USP36: variants seen among roughly 807,000 people sequenced by gnomAD.
USP36 encodes the protein ubiquitin carboxyl-terminal hydrolase 36.
In USP36, 59 loss-of-function variants were observed where a neutral mutation model predicts 111.5. That is an observed-to-expected ratio of 0.53 (90% CI 0.43 to 0.66). The LOEUF is 0.66. Among genes scored for constraint, USP36 ranks in the 30% least tolerant of loss-of-function variants. USP36 has a pLI of 0.00. For synonymous variants in USP36, 628 were observed against 581.0 expected, an observed-to-expected ratio of 1.08 and a Z score of -1.16; for missense variants, 1,488 against 1,468.0, an observed-to-expected ratio of 1.01 and a Z score of -0.22.
At chr17:78,836,515 C>CA in intron 2 of USP36, 143 bp from the exon 3 acceptor site, 1 of 1,109,168 alleles carries the variant, frequency 9.0e-7, no homozygotes, top group Non-Finnish European at 1.3e-6. Flanking sequence ...ATCAGCTGCA[C>CA]AAAGGAAACA....
At chr17:78,813,484 C>G (rs2094115751) in intron 12 of USP36, among the ~76,000 whole-genome samples, 1 of 152,174 alleles carries the variant, frequency 6.6e-6, no homozygotes, top group Non-Finnish European at 1.5e-5. Context: ...GGCTGGCTAC[C>G]ATCCAGGGAG....
intron 18 of USP36, among the ~76,000 whole-genome samples, 156 bp from the exon 19 acceptor site, chr17:78,799,179 C>T (rs537352142): frequency 2.0e-5 from 3 of 152,300 alleles, no homozygotes; most frequent in South Asian, 2.1e-4. Flanking sequence ...GAGGACGGCT[C>T]GACGCCCATG....
In USP36 at chr17:78,803,476, C is replaced by T. The variant is rs200106890; in HGVS notation, c.2719G>A (p.Gly907Ser). ...CGCTTCCTGCTGCTCGCGTGGTGGC[C>T]GTCCGTAACACATCCCACCTGCTGG... Reference protein sequence around the residue: ...NGQQVGCVTDGHHASSRKRRR... With the variant: ...NGQQVGCVTDSHHASSRKRRR... The change falls in exon 16 of 21, where the codon GGC becomes AGC. Residue 907 changes from glycine (G) to serine (S), a missense_variant. This residue lies in a region of USP36 where 1,073 missense variants were observed against 994.1 expected (regional missense o/e 1.08). Coordinates refer to ENST00000449938, the MANE Select transcript of USP36 (RefSeq NM_001385174.1). The surrounding 1 kb of genome is among the most constrained non-coding windows in gnomAD (Gnocchi z 4.6). 9.0e-5 allele frequency: 145 copies of T among 1,613,948 alleles called. No individual in the cohort carries two copies. Among genetic ancestry groups the T allele is most frequent in the African/African-American group, 8.0e-5 (6 of 74,902 alleles).
In USP36 at chr17:78,803,991, C is replaced by G. The variant is rs2093825397; in HGVS notation, c.2217-13G>C. On this transcript the variant is annotated splice_polypyrimidine_tract_variant and intron_variant, in intron 15 of 20. Transcript: ENST00000449938. The surrounding 1 kb of genome is among the most constrained non-coding windows in gnomAD (Gnocchi z 4.6). ...AGGTGACACAGCCCTGTGGGGACAG[C>G]CAGGAAACAGGGAGAGGATGTTCTG... is the stretch of plus-strand genomic sequence containing the variant. 1 of 1,556,388 alleles carries G rather than the reference C, an allele frequency of 6.4e-7. No individual in the cohort carries two copies. Among genetic ancestry groups the G allele is most frequent in the East Asian group, 2.3e-5 (1 of 44,424 alleles).
intron 15 of USP36, among the ~76,000 whole-genome samples, chr17:78,804,451 C>T (rs2093837146): frequency 7.0e-6 from 1 of 142,630 alleles, no homozygotes; most frequent in Admixed American, 7.2e-5. Flanking sequence ...CAAAGCAAGA[C>T]TCCGTCTCAA....
At chr17:78,838,301 G>A (rs1487552678) in intron 2 of USP36, among the ~76,000 whole-genome samples, 1 of 150,292 alleles carries the variant, frequency 6.7e-6, no homozygotes, top group Non-Finnish European at 1.5e-5. Context: ...GAACACGGGA[G>A]GCAGAGGTTG....
At chr17:78,795,295 AG>A (rs1306269020), downstream of USP36, among the ~76,000 whole-genome samples, 1 of 152,228 alleles carries the variant, frequency 6.6e-6, no homozygotes, top group African/African-American at 2.4e-5. The surrounding 1 kb of genome is among the most constrained non-coding windows in gnomAD (Gnocchi z 4.5). Flanking sequence ...ACCCCTAAAG[AG>A]AAGCGAAGAC....
chr17:78,807,457 T>C lies in USP36; in HGVS notation c.1587A>G (p.Leu529=), dbSNP rs776783410. 25 of 1,613,864 alleles carry C rather than the reference T, an allele frequency of 1.5e-5. No individual in the cohort carries two copies. Among genetic ancestry groups the C allele is most frequent in the South Asian group, 5.5e-5 (5 of 91,074 alleles). Residue 529 remains leucine (L), a synonymous_variant, in exon 14 of 21, where the codon CTA becomes CTG. Transcript: ENST00000449938. ...SQTPTHMPTI[L]DDPGKKVKKP... ...TCTTCACCTTCTTTCCAGGGTCGTC[T>C]AGGATGGTTGGCATGTGTGTGGGTG...
At position 78,805,768 on chromosome 17, in the gene USP36, G is replaced by A. The variant is rs551601457; in HGVS notation, c.2216+388C>T. On this transcript the variant is annotated intron_variant, in intron 15 of 20. Coordinates refer to ENST00000449938, the MANE Select transcript of USP36 (RefSeq NM_001385174.1). Reference sequence around the variant, plus strand: ...TCCCACAAAAAACGCTCGGGACTCCGAGCTCACTCAAGCCTCTCGCCAAGG... The same window carrying A: ...TCCCACAAAAAACGCTCGGGACTCCAAGCTCACTCAAGCCTCTCGCCAAGG... Among the ~76,000 whole-genome samples, 15 of 152,314 alleles carry A rather than the reference G, an allele frequency of 9.8e-5. No individual in the cohort carries two copies. The South Asian group carries it at 1.9e-3, about 19-fold the overall frequency.
intron 4 of USP36, among the ~76,000 whole-genome samples, chr17:78,834,999 A>G (rs28645711): frequency 5.4e-4 from 32 of 59,718 alleles, no homozygotes; most frequent in African/African-American, 1.9e-3. Flanking sequence ...TAATATTTGT[A>G]TATATATATA....
intron 4 of USP36, among the ~76,000 whole-genome samples, chr17:78,830,864 A>G (rs1330065086): frequency 6.6e-6 from 1 of 151,836 alleles, no homozygotes; most frequent in Non-Finnish European, 1.5e-5. Context: ...TATCCATGTT[A>G]TTACTTTTAT....
intron 6 of USP36, 116 bp from the exon 7 acceptor site, chr17:78,822,120 T>G: frequency 3.3e-6 from 4 of 1,200,102 alleles, no homozygotes; most frequent in Non-Finnish European, 4.8e-6. Flanking sequence ...GCTGGGAAAC[T>G]CCACCCCCCA....
chr17:78,829,602 G>A (rs919942006), intron 4 of USP36, among the ~76,000 whole-genome samples: 1 of 152,186 alleles, frequency 6.6e-6, no homozygotes, highest in Admixed American at 6.5e-5. Context: ...CTGTATTGTA[G>A]AGGAGGCAGC....
intron 2 of USP36, among the ~76,000 whole-genome samples, chr17:78,837,626 C>T (rs1170048680): frequency 6.6e-6 from 1 of 152,200 alleles, no homozygotes; most frequent in Non-Finnish European, 1.5e-5. Flanking sequence ...GTATCCACCA[C>T]TTGCCCTCCC....
At chr17:78,836,701 G>A (rs1032105755) in intron 2 of USP36, among the ~76,000 whole-genome samples, 3 of 151,990 alleles carry the variant, frequency 2.0e-5, no homozygotes, top group African/African-American at 7.3e-5. Context: ...CATCATTCTT[G>A]GTGCCATTTC....
chr17:78,811,807 G>A (rs2094064429), intron 13 of USP36, among the ~76,000 whole-genome samples: 1 of 152,106 alleles, frequency 6.6e-6, no homozygotes, highest in Non-Finnish European at 1.5e-5. Flanking sequence ...GGTGGAGGTT[G>A]CAGCGAGCCA....
At chr17:78,799,294 C>A (rs761430638) in intron 18 of USP36, among the ~76,000 whole-genome samples, 1 of 152,180 alleles carries the variant, frequency 6.6e-6, no homozygotes, top group African/African-American at 2.4e-5. Flanking sequence ...GTCTGAGGAA[C>A]AAAGATGTCA....
At chr17:78,834,568 T>G (rs2068469236) in intron 4 of USP36, among the ~76,000 whole-genome samples, 1 of 151,876 alleles carries the variant, frequency 6.6e-6, no homozygotes, top group Admixed American at 6.6e-5. Context: ...TGCTTCAGCC[T>G]CCCGAGCAGC....
At chr17:78,839,772 C>A (rs912234959) in intron 1 of USP36, among the ~76,000 whole-genome samples, 1 of 152,090 alleles carries the variant, frequency 6.6e-6, no homozygotes, top group Non-Finnish European at 1.5e-5. Flanking sequence ...TGTAGGAGCC[C>A]GAGACAAGTG....
Sources: allele counts gnomAD v4.1 joint callset (sites outside exome capture counted in the v4.1 genomes callset), GRCh38; gene constraint gnomAD v4.1.1; regional missense constraint gnomAD v4.1.1; non-coding constraint Gnocchi (gnomAD v3.1); transcripts MANE v1.5; gene names NCBI Gene and HGNC (gene_info 2026-07-23, HGNC 2026-07-21).